Variants in PARD6G observed in about 807,000 individuals in gnomAD.
PARD6G encodes par-6 family cell polarity regulator gamma.
A neutral mutation model predicts 10.7 loss-of-function variants in PARD6G; 7 were observed. The observed-to-expected ratio is 0.66, with a 90% CI of 0.37 to 1.23. The LOEUF (loss-of-function observed/expected upper bound fraction) is 1.23, where lower values mean the gene tolerates loss of function less well. Among genes scored for constraint, PARD6G ranks in the 50% most tolerant of loss-of-function variants. The pLI, the probability that PARD6G is intolerant of heterozygous loss-of-function variation, is 0.02. For missense variants in PARD6G, 548 were observed against 571.8 expected, an observed-to-expected ratio of 0.96 and a Z score of 0.42; for synonymous variants, 287 against 269.4, an observed-to-expected ratio of 1.07 and a Z score of -0.64.
At chr18:80,244,961 C>T (rs908121640) in intron 1 of PARD6G, among the ~76,000 whole-genome samples, 1 of 152,162 alleles carries the variant, frequency 6.6e-6, no homozygotes, top group Non-Finnish European at 1.5e-5. Context: ...GTGGGGAGGG[C>T]ACAACAGCAA....
intron 2 of PARD6G, among the ~76,000 whole-genome samples, chr18:80,193,823 T>C (rs78807528): frequency 3.3e-5 from 5 of 152,150 alleles, no homozygotes; most frequent in African/African-American, 1.2e-4. Context: ...CACACCATCA[T>C]GAGGAGTAAA....
chr18:80,197,668 C>G (rs1966970448), intron 2 of PARD6G: 1 of 152,194 alleles, frequency 6.6e-6, no homozygotes, highest in Admixed American at 6.5e-5. Context: ...GGTATGCTAG[C>G]ATTTGCAGAG....
At chr18:80,186,089 TAC>T (rs1053935419) in intron 2 of PARD6G, among the ~76,000 whole-genome samples, 2 of 119,838 alleles carry the variant, frequency 1.7e-5, no homozygotes, top group Admixed American at 9.4e-5. Context: ...CACTCGCATA[TAC>T]AGTCACATAT....
At chr18:80,212,893 A>C (rs935232274) in intron 1 of PARD6G, among the ~76,000 whole-genome samples, 14 of 152,078 alleles carry the variant, frequency 9.2e-5, no homozygotes, top group Non-Finnish European at 1.8e-4. Context: ...TCAAAAAAAA[A>C]AAATTATCTT....
rs750886359 is a variant in PARD6G at position 80,160,303 on chromosome 18, G to A, written c.599C>T (p.Pro200Leu). 6.2e-7 allele frequency: 1 copy of A among 1,612,276 alleles called. No individual in the cohort carries two copies. The highest frequency in any genetic ancestry group is 1.1e-5 in the South Asian group (1 of 91,090). ...CCCGGTGCTCTCCGCCAGGCCCCCG[G>A]GTACCATGCGCGAGATGAAGATGCC... is the stretch of plus-strand genomic sequence containing the variant. ...VPGIFISRMV[P>L]GGLAESTGLL... The change falls in exon 3 of 3, where the codon CCC (proline) becomes CTC (leucine). Residue 200 changes from proline (P) to leucine (L), a missense_variant. By Grantham distance (98) the Pro-to-Leu change is moderately conservative. Coordinates refer to ENST00000353265, the MANE Select transcript of PARD6G (RefSeq NM_032510.4).
intron 1 of PARD6G, among the ~76,000 whole-genome samples, chr18:80,225,330 G>A (rs373131363): frequency 2.6e-5 from 4 of 152,182 alleles, no homozygotes; most frequent in Non-Finnish European, 5.9e-5. Context: ...CAAACCAAAG[G>A]GAGGGAAGCT....
intron 1 of PARD6G, among the ~76,000 whole-genome samples, chr18:80,224,575 C>A (rs577453531): frequency 6.6e-5 from 10 of 152,280 alleles, no homozygotes; most frequent in African/African-American, 2.4e-4. Context: ...AGGCCGGGTG[C>A]GGTGGCTCAC....
intron 2 of PARD6G, among the ~76,000 whole-genome samples, chr18:80,190,746 A>G (rs932915666): frequency 6.6e-6 from 1 of 152,198 alleles, no homozygotes; most frequent in African/African-American, 2.4e-5. Context: ...TTGGGGGCTT[A>G]GGAAGCCTAC....
At chr18:80,164,725 G>A (rs1888307210) in intron 2 of PARD6G, among the ~76,000 whole-genome samples, 1 of 152,210 alleles carries the variant, frequency 6.6e-6, no homozygotes, top group Non-Finnish European at 1.5e-5. Context: ...ACAAAGAGAG[G>A]AATTTTACAG....
At chr18:80,237,593 T>C (rs377378913) in intron 1 of PARD6G, among the ~76,000 whole-genome samples, 145 of 152,222 alleles carry the variant, frequency 9.5e-4, no homozygotes, top group Non-Finnish European at 1.8e-3. Context: ...ATTTTTGCAA[T>C]CTACTCATCT....
At position 80,158,117 on chromosome 18, in the gene PARD6G, CTAAA is replaced by C; in HGVS notation, c.*1650_*1653del. ...TATCAAATAGGAATTTTTAAAATTACTAAATATATAAACGTTGCTGGAAGATCAA... is the reference window on the plus strand; with the variant it reads ...TATCAAATAGGAATTTTTAAAATTACTATATAAACGTTGCTGGAAGATCAA... On this transcript the variant is annotated 3_prime_UTR_variant, in exon 3 of 3. Coordinates refer to ENST00000353265, the MANE Select transcript of PARD6G (RefSeq NM_032510.4). The C allele has an allele frequency of 6.6e-6, 1 of 152,180 alleles. No individual in the cohort carries two copies. Among genetic ancestry groups the C allele is most frequent in the South Asian group, 2.1e-4 (1 of 4,818 alleles). The allele number at this position is 152,180 out of a possible 1,614,324, so 9.4% of individuals were successfully genotyped here.
chr18:80,204,475 CCA>C (rs1420844787), intron 1 of PARD6G, among the ~76,000 whole-genome samples: 2 of 152,252 alleles, frequency 1.3e-5, no homozygotes, highest in South Asian at 2.1e-4. Context: ...ACCTTAACCT[CCA>C]CAGATTCTTT....
At chr18:80,190,103 A>C (rs546849480) in intron 2 of PARD6G, among the ~76,000 whole-genome samples, 9 of 152,342 alleles carry the variant, frequency 5.9e-5, no homozygotes, top group Non-Finnish European at 1.3e-4. Context: ...ACTTACAAGC[A>C]AAAGTGAGCA....
chr18:80,232,439 A>C (rs1239774311), intron 1 of PARD6G, among the ~76,000 whole-genome samples: 1 of 152,184 alleles, frequency 6.6e-6, no homozygotes, highest in Non-Finnish European at 1.5e-5. Flanking sequence ...ACAGTTCCAC[A>C]TGGCTGGGGA....
chr18:80,186,907 G>T (rs998463999), intron 2 of PARD6G, among the ~76,000 whole-genome samples: 1 of 152,076 alleles, frequency 6.6e-6, no homozygotes, highest in African/African-American at 2.4e-5. Flanking sequence ...GACCATCCTG[G>T]CTAACAGGGT....
At chr18:80,163,313 T>TAAGA (rs904634942) in intron 2 of PARD6G, among the ~76,000 whole-genome samples, 1 of 151,192 alleles carries the variant, frequency 6.6e-6, no homozygotes, top group East Asian at 1.9e-4. Flanking sequence ...GGTAGGGGAG[T>TAAGA]AAGAAATGGT....
chr18:80,232,560 G>A (rs1178045425), intron 1 of PARD6G, among the ~76,000 whole-genome samples: 1 of 152,134 alleles, frequency 6.6e-6, no homozygotes, highest in Non-Finnish European at 1.5e-5. Context: ...CAGATCTCAT[G>A]AGACTTATTC....
intron 2 of PARD6G, chr18:80,170,225 A>G (rs985118991): frequency 1.3e-5 from 2 of 152,282 alleles, no homozygotes; most frequent in Non-Finnish European, 2.9e-5. Flanking sequence ...AAGGTGAAAA[A>G]CAAAACCTGT....
chr18:80,177,216 G>GAGCACACACA (rs1555734807), intron 2 of PARD6G, among the ~76,000 whole-genome samples: 1 of 48,134 alleles, frequency 2.1e-5, no homozygotes, highest in African/African-American at 1.9e-4. Flanking sequence ...TAAATGGGAA[G>GAGCACACACA]CGCACACACA....
Sources: allele counts gnomAD v4.1 joint callset (sites outside exome capture counted in the v4.1 genomes callset), GRCh38; gene constraint gnomAD v4.1.1; transcripts MANE v1.5; gene names NCBI Gene and HGNC (gene_info 2026-07-23, HGNC 2026-07-21).